CBFB: variants seen among roughly 807,000 people sequenced by gnomAD.
CBFB encodes CBF-beta.
Under a neutral mutation model 30.4 loss-of-function variants are expected in CBFB, and 9 were observed. The observed-to-expected ratio is 0.30, with a 90% CI of 0.18 to 0.52. The LOEUF is 0.52. Among genes scored for constraint, CBFB ranks in the 20% least tolerant of loss-of-function variants. The probability of loss-of-function intolerance (pLI) is 0.97; values close to 1 mark genes in which losing one functional copy is unlikely to be tolerated. For missense variants in CBFB, 170 were observed against 244.0 expected (o/e 0.70, Z 2.02); for synonymous variants, 94 against 84.0 (o/e 1.12, Z -0.65).
At chr16:67,047,363 T>C (rs754361892) in intron 3 of CBFB, among the ~76,000 whole-genome samples, 2 of 152,190 alleles carry the variant, frequency 1.3e-5, no homozygotes, top group Non-Finnish European at 2.9e-5. Flanking sequence ...GGGAAAGGGC[T>C]GAGTCTGGGG....
intron 5 of CBFB, among the ~76,000 whole-genome samples, chr16:67,091,096 CT>C (rs1239723631): frequency 1.3e-5 from 2 of 152,112 alleles, no homozygotes; most frequent in Admixed American, 1.3e-4. Flanking sequence ...TGAGAATGAA[CT>C]GGGAGTATGA....
At chr16:67,033,888 C>T (rs1457265669) in intron 2 of CBFB, among the ~76,000 whole-genome samples, 1 of 133,290 alleles carries the variant, frequency 7.5e-6, no homozygotes, top group East Asian at 2.5e-4. Flanking sequence ...ATGGCACGAT[C>T]TTGGCTCTCG....
intron 3 of CBFB, among the ~76,000 whole-genome samples, chr16:67,041,921 C>A (rs1038253665): frequency 6.7e-6 from 1 of 148,208 alleles, no homozygotes; most frequent in African/African-American, 2.5e-5. Flanking sequence ...TTTTTTTACC[C>A]CTGACAAAAC....
At chr16:67,079,817 T>C (rs1285631242) in intron 4 of CBFB, among the ~76,000 whole-genome samples, 1 of 152,186 alleles carries the variant, frequency 6.6e-6, no homozygotes, top group Non-Finnish European at 1.5e-5. Context: ...GGTATTGTTT[T>C]GGATCTTTTC....
At chr16:67,067,315 C>T (rs777444699) in intron 4 of CBFB, among the ~76,000 whole-genome samples, 19 of 151,666 alleles carry the variant, frequency 1.3e-4, no homozygotes, top group Non-Finnish European at 2.5e-4. Flanking sequence ...GTCAGGATTT[C>T]GAGACCAGCC....
In CBFB at chr16:67,100,696, G is replaced by A. The variant is rs1176777534; in HGVS notation, c.*1918G>A. ...CTCTATTGTCTAGCTAAGGGCTTTCGGTCCACCAGTAAATAAGATCAAATG... is the reference window on the plus strand; with the variant it reads ...CTCTATTGTCTAGCTAAGGGCTTTCAGTCCACCAGTAAATAAGATCAAATG... On this transcript the variant is annotated 3_prime_UTR_variant, in exon 6 of 6. Coordinates refer to ENST00000412916, the MANE Select transcript of CBFB (RefSeq NM_022845.3). The A allele has an allele frequency of 1.8e-5, 4 of 218,058 alleles. No individual in the cohort carries two copies. The highest frequency in any genetic ancestry group is 1.4e-4 in the East Asian group (2 of 14,720). 13.5% of individuals were successfully genotyped at this position (218,058 alleles called of 1,614,324 possible).
At chr16:67,072,867 G>A (rs562630318) in intron 4 of CBFB, among the ~76,000 whole-genome samples, 9 of 151,304 alleles carry the variant, frequency 5.9e-5, no homozygotes, top group Admixed American at 3.3e-4. Context: ...AGCTCCTGCC[G>A]TGCTTGGCTA....
At chr16:67,052,327 T>C (rs1400832754) in intron 3 of CBFB, among the ~76,000 whole-genome samples, 1 of 152,196 alleles carries the variant, frequency 6.6e-6, no homozygotes, top group Non-Finnish European at 1.5e-5. Context: ...CCTAGCACTT[T>C]GGGAGGCCAA....
intron 3 of CBFB, among the ~76,000 whole-genome samples, chr16:67,058,346 G>T (rs1299149911): frequency 2.0e-5 from 3 of 152,072 alleles, no homozygotes; most frequent in Admixed American, 6.6e-5. Flanking sequence ...TCACCATGTT[G>T]GCCAGGTTGG....
chr16:67,037,413 A>G (rs1050480673), intron 3 of CBFB, among the ~76,000 whole-genome samples: 14 of 152,242 alleles, frequency 9.2e-5, no homozygotes, highest in Admixed American at 9.2e-4. Flanking sequence ...CTCTAGGTTT[A>G]AAAATTAATA....
chr16:67,053,652 C>T (rs1004430760), intron 3 of CBFB, among the ~76,000 whole-genome samples: 10 of 151,816 alleles, frequency 6.6e-5, no homozygotes, highest in African/African-American at 2.4e-4. Flanking sequence ...TTTAGAGCCT[C>T]CCTGGGGAAG....
intron 5 of CBFB, among the ~76,000 whole-genome samples, chr16:67,097,579 A>G (rs184974488): frequency 4.5e-4 from 69 of 152,074 alleles, no homozygotes; most frequent in African/African-American, 1.5e-3. Flanking sequence ...TGGGAATATA[A>G]GTGCACCCAG....
At chr16:67,030,823 ACCTCAAGTGATCCGCC>A (rs1222507457) in intron 2 of CBFB, among the ~76,000 whole-genome samples, 1 of 152,096 alleles carries the variant, frequency 6.6e-6, no homozygotes, top group African/African-American at 2.4e-5. Context: ...TGGCCTCCTG[ACCTCAAGTGATCCGCC>A]CTCCTCGACC....
At chr16:67,031,055 A>G (rs1966334738) in intron 2 of CBFB, among the ~76,000 whole-genome samples, 1 of 152,202 alleles carries the variant, frequency 6.6e-6, no homozygotes, top group African/African-American at 2.4e-5. Flanking sequence ...CACCCCCTTT[A>G]TAAAACCAGT....
At chr16:67,064,988 C>G (rs1394213744) in intron 3 of CBFB, among the ~76,000 whole-genome samples, 1 of 152,134 alleles carries the variant, frequency 6.6e-6, no homozygotes, top group Non-Finnish European at 1.5e-5. Flanking sequence ...ATCTCTGCCT[C>G]CCGAGTTCAA....
chr16:67,088,250 T>C (rs1353115284), intron 5 of CBFB, among the ~76,000 whole-genome samples: 1 of 152,196 alleles, frequency 6.6e-6, no homozygotes. Flanking sequence ...GTCTTTTTTT[T>C]CCATCCATAA....
At chr16:67,053,196 A>C (rs1300938198) in intron 3 of CBFB, among the ~76,000 whole-genome samples, 5 of 151,296 alleles carry the variant, frequency 3.3e-5, no homozygotes, top group Non-Finnish European at 5.9e-5. Flanking sequence ...TGAAACTAGG[A>C]AGCACACACT....
chr16:67,045,035 ATAAAC>A (rs1283825112), intron 3 of CBFB, among the ~76,000 whole-genome samples: 1 of 152,232 alleles, frequency 6.6e-6, no homozygotes, highest in East Asian at 1.9e-4. Context: ...TATGCTTTAG[ATAAAC>A]TATAATACTC....
Position 67,079,515 on chromosome 16 carries a change from C to CTTT in CBFB, c.400-2677_400-2675dup, listed in dbSNP as rs34164177. Among the ~76,000 whole-genome samples, 113 of 98,646 alleles carry CTTT rather than the reference C, an allele frequency of 1.1e-3. 2 individuals carry two copies. Among genetic ancestry groups the CTTT allele is most frequent in the African/African-American group, 2.4e-3 (66 of 26,944 alleles). The allele number at this position is 98,646 out of a possible 152,430, so 64.7% of individuals were successfully genotyped here. A position where few individuals can be genotyped will look rare whatever the true frequency, so the allele number is the denominator to read the frequency against. Reference sequence around the variant, plus strand: ...AATTATGTTATCAGAGGCCCTGGGTCTTTTTTTTTTTTTTTTTTTTTTTGA... The same window carrying CTTT: ...AATTATGTTATCAGAGGCCCTGGGTCTTTTTTTTTTTTTTTTTTTTTTTTTTGA... On this transcript the variant is annotated intron_variant, in intron 4 of 5. Coordinates refer to ENST00000412916, the MANE Select transcript of CBFB (RefSeq NM_022845.3).
Sources: gnomAD v4.1 joint callset for allele counts (sites outside exome capture counted in the v4.1 genomes callset) on GRCh38, gnomAD v4.1.1 for gene constraint, MANE v1.5 for transcripts, NCBI Gene and HGNC (gene_info 2026-07-23, HGNC 2026-07-21) for gene names.